Variants in ATRNL1 observed in about 807,000 individuals in gnomAD.
ATRNL1 encodes the protein attractin like 1, also known as attractin-like protein 1.
ATRNL1 carries 95 observed loss-of-function variants against 182.7 expected under a neutral mutation model. The ratio of observed to expected loss-of-function variants is 0.52; its 90% CI spans 0.44 to 0.62. The LOEUF (loss-of-function observed/expected upper bound fraction) is 0.62. Among genes scored for constraint, ATRNL1 ranks in the 20% least tolerant of loss-of-function variants. The pLI is 0.00. For synonymous variants in ATRNL1, 576 were observed against 568.3 expected, an observed-to-expected ratio of 1.01 and a Z score of -0.19; for missense variants, 1,471 against 1,679.5, an observed-to-expected ratio of 0.88 and a Z score of 2.17.
intron 27 of ATRNL1, among the ~76,000 whole-genome samples, chr10:115,744,905 T>A (rs1948246153): frequency 1.3e-5 from 2 of 152,130 alleles, no homozygotes; most frequent in Admixed American, 6.6e-5. Context: ...ATTGTAAAAT[T>A]TTGTAAAATG....
At chr10:115,377,592 TATC>T (rs571882873) in intron 19 of ATRNL1, among the ~76,000 whole-genome samples, 1 of 152,196 alleles carries the variant, frequency 6.6e-6, no homozygotes, top group Non-Finnish European at 1.5e-5. Flanking sequence ...GCTTTTGTGG[TATC>T]ATATTTTTCT....
intron 28 of ATRNL1, among the ~76,000 whole-genome samples, chr10:115,873,083 A>C (rs986215642): frequency 6.6e-5 from 10 of 151,744 alleles, no homozygotes; most frequent in Non-Finnish European, 1.5e-4. Flanking sequence ...GCGATAGCTG[A>C]GCATAATCAG....
In ATRNL1 at chr10:115,215,670, TTATAATG is replaced by T; in HGVS notation, c.1349-23_1349-17del. The T allele has an allele frequency of 6.6e-7, 1 of 1,525,694 alleles. No homozygotes were observed. The highest frequency in any genetic ancestry group is 2.2e-5 in the Admixed American group (1 of 44,526). 94.5% of individuals were successfully genotyped at this position (1,525,694 alleles called of 1,614,324 possible). A position where few individuals can be genotyped will look rare whatever the true frequency, so the allele number is the denominator to read the frequency against. On this transcript the variant is annotated intron_variant, in intron 8 of 28. Transcript: ENST00000355044. The stretch of plus-strand genomic sequence containing the variant: ...TATATTTAAAAATACTACTTGAAAT[TTATAATG>T]TATTTTATTTCTGTTACAGCATCAA...
intron 10 of ATRNL1, among the ~76,000 whole-genome samples, chr10:115,259,771 T>C (rs1341225469): frequency 6.6e-6 from 1 of 152,182 alleles, no homozygotes; most frequent in Non-Finnish European, 1.5e-5. Flanking sequence ...GATTTTTTTT[T>C]GTCATTATTT....
At chr10:115,475,398 A>T (rs1299823718) in intron 24 of ATRNL1, among the ~76,000 whole-genome samples, 2 of 151,514 alleles carry the variant, frequency 1.3e-5, no homozygotes, top group African/African-American at 4.8e-5. Context: ...TTTGTCAGTT[A>T]TGATGTCAGT....
intron 27 of ATRNL1, among the ~76,000 whole-genome samples, chr10:115,775,792 TA>T (rs11364436): frequency 0.81 from 122,724 of 151,480 alleles, 49,846 homozygotes; most frequent in East Asian, 0.96. Flanking sequence ...CCGACTCTAC[TA>T]AAAAAAATAC....
At chr10:115,906,870 C>A (rs75572085) in intron 28 of ATRNL1, among the ~76,000 whole-genome samples, 1 of 151,816 alleles carries the variant, frequency 6.6e-6, no homozygotes, top group Non-Finnish European at 1.5e-5. Context: ...TATGTACCAG[C>A]GCTTTGTAAA....
intron 26 of ATRNL1, among the ~76,000 whole-genome samples, chr10:115,641,407 AC>A (rs1859238871): frequency 6.6e-6 from 1 of 152,180 alleles, no homozygotes; most frequent in South Asian, 2.1e-4. Flanking sequence ...AGAGGCTTTT[AC>A]TATAAAGAAG....
At chr10:115,100,604 CTCTT>C in intron 1 of ATRNL1, among the ~76,000 whole-genome samples, 1 of 152,218 alleles carries the variant, frequency 6.6e-6, no homozygotes, top group African/African-American at 2.4e-5. Context: ...GTTTCTTGAT[CTCTT>C]TGTCTATTTG....
intron 17 of ATRNL1, 59 bp downstream of exon 17, chr10:115,302,102 G>C: frequency 7.3e-7 from 1 of 1,375,334 alleles, no homozygotes; most frequent in Non-Finnish European, 9.8e-7. Flanking sequence ...ACTTTTCTGT[G>C]ATGTAAAGAA....
intron 6 of ATRNL1, 82 bp from the exon 7 acceptor site, chr10:115,165,476 C>A: frequency 1.6e-6 from 1 of 628,542 alleles, no homozygotes; most frequent in African/African-American, 1.9e-5. Context: ...TACTTGGACA[C>A]AAGTGAATAA....
chr10:115,117,965 C>T (rs1844564160), intron 1 of ATRNL1, among the ~76,000 whole-genome samples: 1 of 152,040 alleles, frequency 6.6e-6, no homozygotes, highest in African/African-American at 2.4e-5. Flanking sequence ...ATGTTGAGCA[C>T]CTTTTCATGT....
In ATRNL1 at chr10:115,537,282, A is replaced by G. The variant is rs1054398198; in HGVS notation, c.3717-12176A>G. 4.6e-5 allele frequency among the ~76,000 whole-genome samples: 7 copies of G among 152,344 alleles called. No individual in the cohort carries two copies. The East Asian group carries it at 7.7e-4, about 17-fold the overall frequency. On this transcript the variant is annotated intron_variant, in intron 25 of 28. Transcript: ENST00000355044. ...AGACACTGAAATAGACTTCTCCAAG[A>G]GTCATATCAGTAACTTCACACTTTG...
Position 115,944,873 on chromosome 10 carries a change from C to G in ATRNL1, c.*94C>G, listed in dbSNP as rs191624567. On this transcript the variant is annotated 3_prime_UTR_variant, in exon 29 of 29. Transcript: ENST00000355044. ...CCTTGGATTTTATGGAGGCAGATCT[C>G]TGTATCATCCAGAGCCTGAGTACAG... 2 of 1,401,264 alleles carry G rather than the reference C, an allele frequency of 1.4e-6. No individual in the cohort carries two copies. Among genetic ancestry groups the G allele is most frequent in the East Asian group, 2.4e-5 (1 of 41,582 alleles). 86.8% of individuals were successfully genotyped at this position (1,401,264 alleles called of 1,614,324 possible).
chr10:115,392,967 T>G (rs1844104366), intron 19 of ATRNL1, among the ~76,000 whole-genome samples: 1 of 152,148 alleles, frequency 6.6e-6, no homozygotes, highest in Non-Finnish European at 1.5e-5. Flanking sequence ...TAAATAGCCA[T>G]AGCTGGTCAC....
intron 28 of ATRNL1, among the ~76,000 whole-genome samples, chr10:115,934,013 A>G (rs1953481548): frequency 6.6e-6 from 1 of 152,040 alleles, no homozygotes; most frequent in South Asian, 2.1e-4. Context: ...GTACTTGCTA[A>G]TGGCATGGGA....
At chr10:115,203,180 A>G (rs1465162682) in intron 8 of ATRNL1, among the ~76,000 whole-genome samples, 1 of 152,188 alleles carries the variant, frequency 6.6e-6, no homozygotes, top group Non-Finnish European at 1.5e-5. Flanking sequence ...AAGCCCTAAC[A>G]ATGATGAATT....
chr10:115,883,288 C>T (rs1314325929), intron 28 of ATRNL1, among the ~76,000 whole-genome samples: 1 of 152,194 alleles, frequency 6.6e-6, no homozygotes, highest in Non-Finnish European at 1.5e-5. Flanking sequence ...GACCTGTCCT[C>T]AATAAAACTC....
chr10:115,155,031 A>G lies in ATRNL1; in HGVS notation c.830-5009A>G, dbSNP rs150978635. ...TAGAATTGTTATATCCTTTTGCTGAATTGATCCCTCTATCATTATAAAATG... is the reference window on the plus strand; with the variant it reads ...TAGAATTGTTATATCCTTTTGCTGAGTTGATCCCTCTATCATTATAAAATG... On this transcript the variant is annotated intron_variant, in intron 5 of 28. Coordinates refer to ENST00000355044, the MANE Select transcript of ATRNL1 (RefSeq NM_207303.4). Among the ~76,000 whole-genome samples, 737 of 152,234 alleles carry G rather than the reference A, an allele frequency of 4.8e-3. 5 individuals are homozygous for G. The highest frequency in any genetic ancestry group is 0.016 in the African/African-American group (648 of 41,542).
Sources: gnomAD v4.1 joint callset for allele counts (sites outside exome capture counted in the v4.1 genomes callset) on GRCh38, gnomAD v4.1.1 for gene constraint, MANE v1.5 for transcripts, NCBI Gene and HGNC (gene_info 2026-07-23, HGNC 2026-07-21) for gene names.